TMEM132C: variants seen among roughly 807,000 people sequenced by gnomAD.
TMEM132C encodes the protein protein phosphatase 1, regulatory subunit 152.
A neutral mutation model predicts 61.4 loss-of-function variants in TMEM132C; 29 were observed. That is an observed-to-expected ratio of 0.47 (90% CI 0.35 to 0.64). TMEM132C has a LOEUF of 0.64. Among genes scored for constraint, TMEM132C ranks in the 30% least tolerant of loss-of-function variants. The pLI, the probability that TMEM132C is intolerant of heterozygous loss-of-function variation, is 0.00. For synonymous variants in TMEM132C, 656 were observed against 633.1 expected, an observed-to-expected ratio of 1.04 and a Z score of -0.54; for missense variants, 1,408 against 1,476.9, an observed-to-expected ratio of 0.95 and a Z score of 0.76.
intron 1 of TMEM132C, among the ~76,000 whole-genome samples, chr12:128,322,463 A>G (rs895949643): frequency 9.2e-5 from 14 of 152,282 alleles, no homozygotes; most frequent in African/African-American, 2.9e-4. Context: ...TGACACAGCA[A>G]TAAGTTACTG....
chr12:128,533,943 GCACATACA>G (rs1378799977), intron 2 of TMEM132C, among the ~76,000 whole-genome samples: 4 of 105,336 alleles, frequency 3.8e-5, no homozygotes, highest in Non-Finnish European at 8.5e-5. Context: ...TCACACATGC[GCACATACA>G]CACACACACA....
intron 2 of TMEM132C, among the ~76,000 whole-genome samples, chr12:128,418,707 C>G (rs77967662): frequency 6.6e-6 from 1 of 152,186 alleles, no homozygotes; most frequent in Non-Finnish European, 1.5e-5. Flanking sequence ...CATTGTTAAC[C>G]GAACTACAGA....
At chr12:128,387,958 C>A (rs962272642) in intron 1 of TMEM132C, among the ~76,000 whole-genome samples, 1 of 152,242 alleles carries the variant, frequency 6.6e-6, no homozygotes, top group African/African-American at 2.4e-5. Flanking sequence ...CCGGCCGTCA[C>A]CTGTGCCCTT....
At chr12:128,449,810 G>T (rs1231342982) in intron 2 of TMEM132C, among the ~76,000 whole-genome samples, 2 of 152,208 alleles carry the variant, frequency 1.3e-5, no homozygotes, top group Admixed American at 1.3e-4. Context: ...CCAGGAAGGT[G>T]ACTAGACGTT....
chr12:128,542,418 G>A (rs1484976055), intron 2 of TMEM132C, among the ~76,000 whole-genome samples: 2 of 152,072 alleles, frequency 1.3e-5, no homozygotes, highest in East Asian at 1.9e-4. Flanking sequence ...TGACCCTCCT[G>A]CCTAAACCTC....
At chr12:128,557,299 C>G (rs554816917) in intron 3 of TMEM132C, among the ~76,000 whole-genome samples, 1 of 152,328 alleles carries the variant, frequency 6.6e-6, no homozygotes, top group South Asian at 2.1e-4. Flanking sequence ...CCATCATAGT[C>G]TGACATGTGG....
intron 2 of TMEM132C, among the ~76,000 whole-genome samples, chr12:128,469,740 A>ATG (rs1330753743): frequency 6.6e-6 from 1 of 151,094 alleles, no homozygotes; most frequent in East Asian, 2.0e-4. Flanking sequence ...ATATGCATTT[A>ATG]TGTGTGTGTA....
chr12:128,472,211 G>A (rs528871857), intron 2 of TMEM132C, among the ~76,000 whole-genome samples: 3 of 152,192 alleles, frequency 2.0e-5, no homozygotes, highest in African/African-American at 7.2e-5. Flanking sequence ...CTATATTGAT[G>A]TTTGACACCA....
intron 5 of TMEM132C, among the ~76,000 whole-genome samples, chr12:128,674,198 T>A (rs1253588187): frequency 6.6e-6 from 1 of 152,246 alleles, no homozygotes; most frequent in Non-Finnish European, 1.5e-5. Flanking sequence ...TTCCCATGAA[T>A]GGCATCATAC....
intron 1 of TMEM132C, among the ~76,000 whole-genome samples, chr12:128,319,832 A>G (rs1872272951): frequency 1.3e-5 from 2 of 151,914 alleles, no homozygotes; most frequent in African/African-American, 4.8e-5. Context: ...TCTCAAAAAA[A>G]AAAAAAGGGC....
At chr12:128,510,284 C>G (rs1239787906) in intron 2 of TMEM132C, among the ~76,000 whole-genome samples, 2 of 152,116 alleles carry the variant, frequency 1.3e-5, no homozygotes, top group Non-Finnish European at 1.5e-5. Flanking sequence ...AAGCAACCAC[C>G]CTATAAAACA....
intron 2 of TMEM132C, among the ~76,000 whole-genome samples, chr12:128,451,859 C>G (rs1870183719): frequency 6.6e-6 from 1 of 151,646 alleles, no homozygotes. Context: ...GTGAGCAGAA[C>G]AGACAAAAAA....
chr12:128,416,559 A>G (rs2136023248), intron 2 of TMEM132C, among the ~76,000 whole-genome samples: 2 of 152,326 alleles, frequency 1.3e-5, no homozygotes, highest in South Asian at 4.1e-4. Context: ...ATTTTGAATG[A>G]GTTGCTTGGA....
chr12:128,697,213 C>T lies in TMEM132C; in HGVS notation c.1930-11C>T, dbSNP rs1268098636. On this transcript the variant is annotated splice_polypyrimidine_tract_variant and intron_variant, in intron 7 of 8. Transcript: ENST00000435159. ...GTGATGGATTTTCCTTGTGTCCTGCCAATCCCACAGGTGTTGTCTCCACTG... is the reference window on the plus strand; with the variant it reads ...GTGATGGATTTTCCTTGTGTCCTGCTAATCCCACAGGTGTTGTCTCCACTG... 7.4e-6 allele frequency: 11 copies of T among 1,492,832 alleles called. 1 individual carries two copies. Among genetic ancestry groups the T allele is most frequent in the Non-Finnish European group, 9.9e-6 (11 of 1,109,860 alleles). 92.5% of individuals were successfully genotyped at this position (1,492,832 alleles called of 1,614,324 possible).
At chr12:128,539,154 AT>A (rs1334743085) in intron 2 of TMEM132C, among the ~76,000 whole-genome samples, 3 of 152,132 alleles carry the variant, frequency 2.0e-5, no homozygotes, top group East Asian at 3.9e-4. Flanking sequence ...CTCTGCTGTT[AT>A]TCAAGGACCT....
At chr12:128,476,718 G>A (rs1871166682) in intron 2 of TMEM132C, among the ~76,000 whole-genome samples, 1 of 152,206 alleles carries the variant, frequency 6.6e-6, no homozygotes, top group South Asian at 2.1e-4. Context: ...GAGTTTTGCA[G>A]AAAATACTTG....
intron 1 of TMEM132C, among the ~76,000 whole-genome samples, chr12:128,282,861 T>TGGGCAGGAATGCTCC (rs1870942049): frequency 6.6e-6 from 1 of 152,216 alleles, no homozygotes; most frequent in Non-Finnish European, 1.5e-5. Flanking sequence ...TGCTACATTT[T>TGGGCAGGAATGCTCC]GGGCAGGAAT....
intron 1 of TMEM132C, among the ~76,000 whole-genome samples, chr12:128,374,626 G>T (rs1410176842): frequency 6.6e-6 from 1 of 152,016 alleles, no homozygotes; most frequent in Non-Finnish European, 1.5e-5. Context: ...GCACCCTGTG[G>T]AGTAAGACAC....
intron 2 of TMEM132C, among the ~76,000 whole-genome samples, chr12:128,485,060 C>G (rs1026197391): frequency 6.6e-6 from 1 of 152,170 alleles, no homozygotes; most frequent in African/African-American, 2.4e-5. Context: ...CCCCAAGAAA[C>G]AGGCTTTCAC....
Sources: allele counts gnomAD v4.1 joint callset (sites outside exome capture counted in the v4.1 genomes callset), GRCh38; gene constraint gnomAD v4.1.1; transcripts MANE v1.5; gene names NCBI Gene and HGNC (gene_info 2026-07-23, HGNC 2026-07-21).